MGA: variants seen among roughly 807,000 people sequenced by gnomAD.
MGA encodes the protein MAX gene-associated protein.
Under a neutral mutation model 261.1 loss-of-function variants are expected in MGA, and 40 were observed. The ratio of observed to expected loss-of-function variants is 0.15; its 90% confidence interval spans 0.12 to 0.20. The LOEUF (loss-of-function observed/expected upper bound fraction) is 0.20. MGA is among the 10% of genes least tolerant of loss of function. MGA has a pLI of 1.00. For synonymous variants in MGA, 1,302 were observed against 1,290.6 expected (o/e 1.01, Z -0.19); for missense variants, 3,397 against 3,630.5 (o/e 0.94, Z 1.65).
intron 9 of MGA, chr15:41,718,286 AG>A (rs1314199224): frequency 4.8e-6 from 1 of 209,428 alleles, no homozygotes; most frequent in East Asian, 7.3e-5. Flanking sequence ...GTGTATATGT[AG>A]TGTGTGTGTG....
chr15:41,693,067 T>A (rs1171141632), intron 2 of MGA, among the ~76,000 whole-genome samples: 2 of 152,166 alleles, frequency 1.3e-5, no homozygotes, highest in African/African-American at 2.4e-5. Flanking sequence ...CTCAAACTCC[T>A]GAGCTCAGGC....
chr15:41,767,408 A>T lies in MGA; in HGVS notation c.*128A>T. ...GACTTCAATGATGCAGTGGATAATGATGGGAGAAAGGGGGTAGGGTGCTGA... is the reference window on the plus strand; with the variant it reads ...GACTTCAATGATGCAGTGGATAATGTTGGGAGAAAGGGGGTAGGGTGCTGA... On this transcript the variant is annotated 3_prime_UTR_variant, in exon 24 of 24. Coordinates refer to ENST00000219905, the MANE Select transcript of MGA (RefSeq NM_001164273.2). 1.0e-6 allele frequency: 1 copy of T among 986,554 alleles called. No individual in the cohort carries two copies. Among genetic ancestry groups the T allele is most frequent in the Non-Finnish European group, 1.5e-6 (1 of 670,666 alleles). 61.1% of individuals were successfully genotyped at this position (986,554 alleles called of 1,614,324 possible).
In MGA at chr15:41,711,251, A is replaced by G. The variant is rs1392462578; in HGVS notation, c.2986A>G (p.Met996Val). The change falls in exon 8 of 24, where the codon ATG becomes GTG. Residue 996 changes from methionine (M) to valine (V), a missense_variant. Coordinates refer to ENST00000219905, the MANE Select transcript of MGA (RefSeq NM_001164273.2). ...CTTGTCTAAATCTCAGGTGAAGCTAATGGACCTGGAAGACTGTGCACTTTG... is the reference window on the plus strand; with the variant it reads ...CTTGTCTAAATCTCAGGTGAAGCTAGTGGACCTGGAAGACTGTGCACTTTG... 6 of 1,613,930 alleles carry G rather than the reference A, an allele frequency of 3.7e-6. No homozygotes were observed. In the Admixed American group the frequency reaches 5.0e-5, roughly 13 times the overall value.
Position 41,767,165 on chromosome 15 carries a change from T to G in MGA, c.9083T>G (p.Met3028Arg). 1 of 1,614,004 alleles carries G rather than the reference T, an allele frequency of 6.2e-7. No individual in the cohort carries two copies. Among genetic ancestry groups the G allele is most frequent in the Non-Finnish European group, 8.5e-7 (1 of 1,179,878 alleles). The change falls in exon 24 of 24, where the codon ATG becomes AGG. Residue 3028 changes from methionine (M) to arginine (R), a missense_variant. Physicochemically the swap from Met to Arg is moderately conservative, Grantham distance 91 (BLOSUM62 -1). Around this residue, in one of 9 missense-constraint regions of MGA, gnomAD observed 647 missense variants for 642.4 expected, o/e 1.01. Coordinates refer to ENST00000219905, the MANE Select transcript of MGA (RefSeq NM_001164273.2). ...AAAGTTGGGTCAGTTGGACACAAAA[T>G]GAACTTAACAGGGAATGACCAGGAA...
chr15:41,671,132 G>C (rs760957550), intron 2 of MGA, among the ~76,000 whole-genome samples: 4 of 152,160 alleles, frequency 2.6e-5, no homozygotes, highest in Admixed American at 6.5e-5. Context: ...ACAGAAAGTT[G>C]CCTGTAATCA....
intron 1 of MGA, among the ~76,000 whole-genome samples, chr15:41,665,978 T>C (rs973953696): frequency 6.6e-5 from 10 of 152,008 alleles, no homozygotes; most frequent in Non-Finnish European, 1.2e-4. Context: ...TGCAGTGATA[T>C]GGTTATGGCT....
intron 9 of MGA, among the ~76,000 whole-genome samples, chr15:41,718,163 T>G (rs1224309405): frequency 6.6e-6 from 1 of 151,572 alleles, no homozygotes; most frequent in Non-Finnish European, 1.5e-5. Flanking sequence ...ACAGATTAAA[T>G]GAGATCATTT....
At chr15:41,739,924 C>T (rs1232380718) in intron 13 of MGA, 5 of 1,611,942 alleles carry the variant, frequency 3.1e-6, no homozygotes, top group Non-Finnish European at 4.2e-6. Context: ...TAAGAGTTAC[C>T]CGCAGGCTAA....
chr15:41,723,458 C>T (rs140136274), intron 9 of MGA, among the ~76,000 whole-genome samples: 256 of 152,248 alleles, frequency 1.7e-3, no homozygotes, highest in African/African-American at 5.8e-3. Context: ...CTCTGTCACC[C>T]AGGCTGGAGT....
intron 11 of MGA, among the ~76,000 whole-genome samples, chr15:41,730,426 C>CA: frequency 6.7e-6 from 1 of 149,842 alleles, no homozygotes; most frequent in Admixed American, 6.6e-5. Flanking sequence ...GCAACAAGAG[C>CA]AAAACTTTGT....
intron 9 of MGA, among the ~76,000 whole-genome samples, chr15:41,714,796 A>C (rs1330161323): frequency 1.3e-5 from 2 of 152,160 alleles, no homozygotes; most frequent in African/African-American, 4.8e-5. Context: ...GTACCCAATT[A>C]GTTTTCTGTT....
intron 11 of MGA, among the ~76,000 whole-genome samples, chr15:41,733,902 T>C (rs1053299962): frequency 7.0e-5 from 10 of 143,646 alleles, no homozygotes; most frequent in Non-Finnish European, 1.0e-4. Context: ...TCTTTCCACA[T>C]TGGCAAATTT....
chr15:41,751,332 T>C (rs1057036770), intron 17 of MGA: 4 of 152,162 alleles, frequency 2.6e-5, no homozygotes, highest in Non-Finnish European at 5.9e-5. Context: ...AAAGGCCAGA[T>C]AGTAAATAGT....
chr15:41,746,134 A>G (rs1426212319), intron 15 of MGA, among the ~76,000 whole-genome samples: 1 of 152,208 alleles, frequency 6.6e-6, no homozygotes, highest in Non-Finnish European at 1.5e-5. Flanking sequence ...TAATGTGTAT[A>G]TTAAAGATTG....
chr15:41,761,332 G>C (rs928273932), intron 20 of MGA, among the ~76,000 whole-genome samples: 2 of 152,238 alleles, frequency 1.3e-5, no homozygotes, highest in Admixed American at 1.3e-4. Context: ...CGTTTAAACA[G>C]TTTTTAAGTA....
chr15:41,727,564 G>A (rs555761276), intron 10 of MGA, among the ~76,000 whole-genome samples, 158 bp downstream of exon 10: 1 of 152,174 alleles, frequency 6.6e-6, no homozygotes, highest in African/African-American at 2.4e-5. Context: ...GTTTAGTGCT[G>A]GCACTTTAAA....
intron 9 of MGA, among the ~76,000 whole-genome samples, chr15:41,723,416 A>G (rs1181653412): frequency 6.6e-6 from 1 of 151,896 alleles, no homozygotes; most frequent in Non-Finnish European, 1.5e-5. Context: ...TATTTTATTT[A>G]TTTACATATA....
chr15:41,653,802 T>A (rs1353631272), intron 1 of MGA, among the ~76,000 whole-genome samples: 1 of 152,128 alleles, frequency 6.6e-6, no homozygotes, highest in African/African-American at 2.4e-5. Flanking sequence ...ATATATGTGA[T>A]ATGCCTGGAG....
intron 5 of MGA, among the ~76,000 whole-genome samples, chr15:41,706,396 C>T (rs1320151580): frequency 2.0e-5 from 3 of 150,368 alleles, no homozygotes; most frequent in Admixed American, 1.3e-4. Context: ...TACAGGTGCA[C>T]GCCACAGTGC....
Sources: allele counts gnomAD v4.1 joint callset (sites outside exome capture counted in the v4.1 genomes callset), GRCh38; gene constraint gnomAD v4.1.1; regional missense constraint gnomAD v4.1.1; transcripts MANE v1.5; gene names NCBI Gene and HGNC (gene_info 2026-07-23, HGNC 2026-07-21).